The following DEFB131B variants were observed in gnomAD, a reference collection of about 807,000 sequenced individuals.
The protein encoded by DEFB131B is beta-defensin 131B.
A neutral mutation model predicts 2.1 loss-of-function variants in DEFB131B; 2 were observed. The ratio of observed to expected loss-of-function variants is 0.94; its 90% confidence interval spans 0.38 to 2.95. The LOEUF (loss-of-function observed/expected upper bound fraction) is 2.95. DEFB131B is among the 30% of genes most tolerant of loss of function. DEFB131B has a pLI of 0.09. For synonymous variants in DEFB131B, 26 were observed against 25.8 expected (o/e 1.01, Z -0.03); for missense variants, 77 against 78.5 (o/e 0.98, Z 0.07).
At chr11:71,882,138 C>T (rs1952568699) in intron 1 of DEFB131B, among the ~76,000 whole-genome samples, 1 of 150,712 alleles carries the variant, frequency 6.6e-6, no homozygotes, top group Non-Finnish European at 1.5e-5. Context: ...TATGGACAAC[C>T]AAGGATAAGA....
rs191884730 is a variant in DEFB131B, at chr11:71,884,500, C to T, written c.152C>T (p.Ala51Val). The T allele has an allele frequency of 1.3e-4, 206 of 1,610,086 alleles. 1 individual carries two copies. The East Asian group carries it at 3.0e-3, about 23-fold the overall frequency. Residue 51 changes from alanine to valine, a missense_variant, in exon 2 of 2, where the codon GCT becomes GTT. Transcript: ENST00000530210. ...NADEHAIRYC[A>V]DFSICCKLKI... ...GATGAACATGCAATTAGATACTGTG[C>T]TGACTTCAGCATCTGCTGCAAACTG...
At chr11:71,878,615 T>A (rs1952539832) in intron 1 of DEFB131B, 105 bp downstream of exon 1, 2 of 1,193,388 alleles carry the variant, frequency 1.7e-6, no homozygotes, top group South Asian at 2.8e-5. Context: ...CAGATTTTAC[T>A]GTACCATGAA....
At chr11:71,882,386 C>A (rs192829941) in intron 1 of DEFB131B, among the ~76,000 whole-genome samples, 1,550 of 152,170 alleles carry the variant, frequency 0.01, 13 homozygotes, top group South Asian at 0.019. Flanking sequence ...CAGCCACCAC[C>A]ACGCCTGGCT....
At chr11:71,880,271 T>C in intron 1 of DEFB131B, among the ~76,000 whole-genome samples, 1 of 152,154 alleles carries the variant, frequency 6.6e-6, no homozygotes, top group African/African-American at 2.4e-5. Context: ...TTGGTGTTGG[T>C]AAAAAAAATT....
chr11:71,880,426 G>C (rs1952552860), intron 1 of DEFB131B, among the ~76,000 whole-genome samples: 1 of 152,046 alleles, frequency 6.6e-6, no homozygotes. Flanking sequence ...GGTTAGTCTA[G>C]CTAGCAGTTT....
At chr11:71,879,982 A>G (rs1194011834) in intron 1 of DEFB131B, among the ~76,000 whole-genome samples, 1 of 152,206 alleles carries the variant, frequency 6.6e-6, no homozygotes, top group Non-Finnish European at 1.5e-5. Flanking sequence ...ATACTCACTA[A>G]ATGGAACACT....
chr11:71,879,755 C>T (rs1485256164), intron 1 of DEFB131B, among the ~76,000 whole-genome samples: 2 of 152,118 alleles, frequency 1.3e-5, no homozygotes, highest in African/African-American at 4.8e-5. Context: ...ATCTCTCCTC[C>T]TCCCAGTCCC....
chr11:71,880,506 G>T (rs539085542), intron 1 of DEFB131B, among the ~76,000 whole-genome samples: 1 of 151,924 alleles, frequency 6.6e-6, no homozygotes, highest in Non-Finnish European at 1.5e-5. Flanking sequence ...TTTAAATCTC[G>T]AATTCACTTA....
intron 1 of DEFB131B, among the ~76,000 whole-genome samples, chr11:71,883,197 C>T (rs1254648215): frequency 1.3e-5 from 2 of 151,760 alleles, no homozygotes; most frequent in African/African-American, 4.8e-5. Context: ...ATATACAATC[C>T]CTATCAAAAT....
chr11:71,882,813 T>A (rs1212559037), intron 1 of DEFB131B, among the ~76,000 whole-genome samples: 1 of 152,144 alleles, frequency 6.6e-6, no homozygotes, highest in Non-Finnish European at 1.5e-5. Flanking sequence ...AGTAAAATTA[T>A]CTATTTCCAA....
chr11:71,882,282 G>A (rs1246724199), intron 1 of DEFB131B, among the ~76,000 whole-genome samples: 2 of 151,172 alleles, frequency 1.3e-5, no homozygotes, highest in African/African-American at 4.9e-5. Flanking sequence ...TTTAGACAGA[G>A]TCTCACTTTG....
intron 1 of DEFB131B, among the ~76,000 whole-genome samples, chr11:71,883,471 C>G (rs1040173785): frequency 6.6e-6 from 1 of 151,950 alleles, no homozygotes; most frequent in African/African-American, 2.4e-5. Flanking sequence ...AACAAACATG[C>G]GAAGAATATA....
chr11:71,879,127 A>G (rs994207413), intron 1 of DEFB131B, among the ~76,000 whole-genome samples: 1 of 152,194 alleles, frequency 6.6e-6, no homozygotes, highest in African/African-American at 2.4e-5. Context: ...GAAGACTAGA[A>G]GAAGGGCTAG....
chr11:71,881,843 CA>C (rs1952565218), intron 1 of DEFB131B, among the ~76,000 whole-genome samples: 1 of 151,766 alleles, frequency 6.6e-6, no homozygotes, highest in African/African-American at 2.4e-5. Context: ...TTAAAAAGAA[CA>C]GAATATTTAA....
intron 1 of DEFB131B, among the ~76,000 whole-genome samples, chr11:71,883,547 A>C (rs1952590578): frequency 6.6e-6 from 1 of 152,202 alleles, no homozygotes; most frequent in Non-Finnish European, 1.5e-5. Context: ...TATGCAAAAG[A>C]ATAAAACTGG....
intron 1 of DEFB131B, among the ~76,000 whole-genome samples, chr11:71,882,126 T>A (rs1952568434): frequency 6.6e-6 from 1 of 151,634 alleles, no homozygotes; most frequent in African/African-American, 2.4e-5. Context: ...AAAATCTTTA[T>A]CTATGGACAA....
chr11:71,883,304 C>G (rs72477712), intron 1 of DEFB131B, among the ~76,000 whole-genome samples: 41 of 150,624 alleles, frequency 2.7e-4, no homozygotes, highest in Non-Finnish European at 4.5e-4. Flanking sequence ...GCAAGAAAAA[C>G]AAAGCTAGGG....
chr11:71,878,480 G>T lies in DEFB131B; in HGVS notation c.28G>T (p.Val10Phe), dbSNP rs1178277566. The T allele has an allele frequency of 6.2e-7, 1 of 1,611,442 alleles. No individual in the cohort carries two copies. Among genetic ancestry groups the T allele is most frequent in the Non-Finnish European group, 8.5e-7 (1 of 1,179,766 alleles). Residue 10 changes from valine to phenylalanine, a missense_variant, in exon 1 of 2, where the codon GTC becomes TTC. Transcript: ENST00000530210. MRVLFFVFGVLSLMSTVPPT... is the reference protein window; with the variant it reads MRVLFFVFGFLSLMSTVPPT... Reference sequence around the variant, plus strand: ...GAGGGTCTTGTTTTTTGTCTTTGGAGTCCTTTCCTTGATGTCCACAGTTCC... The same window carrying T: ...GAGGGTCTTGTTTTTTGTCTTTGGATTCCTTTCCTTGATGTCCACAGTTCC...
Position 71,878,464 on chromosome 11 carries a change from GT to G in DEFB131B, c.18del (p.Phe6LeufsTer8), listed in dbSNP as rs765541430. 6.2e-7 allele frequency: 1 copy of G among 1,611,666 alleles called. No homozygotes were observed. The highest frequency in any genetic ancestry group is 1.7e-5 in the Admixed American group (1 of 59,990). On this transcript the variant is annotated frameshift_variant, in exon 1 of 2. Coordinates refer to ENST00000530210, the MANE Select transcript of DEFB131B (RefSeq NM_001242853.1). LOFTEE classifies it low-confidence loss of function (END_TRUNC). Reference sequence around the variant, plus strand: ...TTACCTATTCAACCATGAGGGTCTTGTTTTTTGTCTTTGGAGTCCTTTCCTT... The same window carrying G: ...TTACCTATTCAACCATGAGGGTCTTGTTTTTGTCTTTGGAGTCCTTTCCTT... MRVL[F>X]FVFGVLSLMS...
Sources: gnomAD v4.1 joint callset for allele counts (sites outside exome capture counted in the v4.1 genomes callset) on GRCh38, gnomAD v4.1.1 for gene constraint, MANE v1.5 for transcripts, NCBI Gene and HGNC (gene_info 2026-07-23, HGNC 2026-07-21) for gene names.